Variants in FAM204A observed in about 807,000 individuals in gnomAD.
The protein encoded by FAM204A is family with sequence similarity 204 member A.
In FAM204A, 16 loss-of-function variants were observed where a neutral mutation model predicts 35.4. The observed-to-expected ratio is 0.45, with a 90% CI of 0.31 to 0.69. FAM204A has a LOEUF of 0.69. FAM204A is among the 30% of genes least tolerant of loss of function. The pLI, the probability that FAM204A is intolerant of heterozygous loss-of-function variation, is 0.07. For synonymous variants in FAM204A, 76 were observed against 86.9 expected, an observed-to-expected ratio of 0.88 and a Z score of 0.70; for missense variants, 240 against 265.7, an observed-to-expected ratio of 0.90 and a Z score of 0.67.
At chr10:118,333,200 G>C (rs964371088) in intron 6 of FAM204A, among the ~76,000 whole-genome samples, 1 of 152,174 alleles carries the variant, frequency 6.6e-6, no homozygotes, top group Non-Finnish European at 1.5e-5. Flanking sequence ...AAGACTGCAC[G>C]ATAGACACAT....
Position 118,326,173 on chromosome 10 carries a change from T to A in FAM204A, c.524A>T (p.Asn175Ile). Reference sequence around the variant, plus strand: ...ACTCACCTCTCGAGTAGCTAGCTGGTTGCTGAGTTCCTCAGCCTTCTCAAT... The same window carrying A: ...ACTCACCTCTCGAGTAGCTAGCTGGATGCTGAGTTCCTCAGCCTTCTCAAT... Reference protein sequence around the residue: ...WNIEKAEELSNQLATRELGVK... With the variant: ...WNIEKAEELSIQLATRELGVK... Residue 175 changes from asparagine (N) to isoleucine (I), a missense_variant, in exon 7 of 9, where the codon AAC becomes ATC. By Grantham distance (149) the Asn-to-Ile change is moderately radical. Around this residue, in one of 2 missense-constraint regions of FAM204A, gnomAD observed 232 missense variants for 242.8 expected, o/e 0.96. Coordinates refer to ENST00000369183, the MANE Select transcript of FAM204A (RefSeq NM_022063.3). 4 of 1,613,936 alleles carry A rather than the reference T, an allele frequency of 2.5e-6. No individual in the cohort carries two copies. Among genetic ancestry groups the A allele is most frequent in the Non-Finnish European group, 3.4e-6 (4 of 1,179,824 alleles).
At chr10:118,331,027 GCTC>G (rs1846280993) in intron 6 of FAM204A, among the ~76,000 whole-genome samples, 1 of 152,150 alleles carries the variant, frequency 6.6e-6, no homozygotes, top group African/African-American at 2.4e-5. Context: ...ATAATAAGGT[GCTC>G]CTATTATTAA....
chr10:118,313,379 C>T (rs1413946340), intron 7 of FAM204A, among the ~76,000 whole-genome samples: 3 of 152,076 alleles, frequency 2.0e-5, no homozygotes, highest in Non-Finnish European at 2.9e-5. Flanking sequence ...AATGGCTCTT[C>T]GATGCTTTAG....
In FAM204A at chr10:118,302,865, G is replaced by C. The variant is rs1169890997; in HGVS notation, c.*7992C>G. The C allele has an allele frequency of 6.6e-6, 1 of 152,230 alleles. No homozygotes were observed. Among genetic ancestry groups the C allele is most frequent in the Non-Finnish European group, 1.5e-5 (1 of 68,054 alleles). The allele number at this position is 152,230 out of a possible 1,614,324, so 9.4% of individuals were successfully genotyped here. On this transcript the variant is annotated 3_prime_UTR_variant, in exon 9 of 9. Coordinates refer to ENST00000369183, the MANE Select transcript of FAM204A (RefSeq NM_022063.3). ...CTCTTTCCCATCCCAGACTCCCCGT[G>C]TAAGAAGCGGGTGCTGCTCCAAGAC...
intron 7 of FAM204A, among the ~76,000 whole-genome samples, chr10:118,321,536 T>A (rs1323545483): frequency 6.6e-6 from 1 of 151,990 alleles, no homozygotes; most frequent in East Asian, 1.9e-4. Flanking sequence ...AAAAAAACAT[T>A]GTATTTGTAT....
chr10:118,322,127 C>A (rs2133276574), intron 7 of FAM204A, among the ~76,000 whole-genome samples: 1 of 152,078 alleles, frequency 6.6e-6, no homozygotes, highest in East Asian at 1.9e-4. Flanking sequence ...TTGGCAGTCA[C>A]CATAATAAAA....
chr10:118,323,821 A>G (rs1226141997), intron 7 of FAM204A, among the ~76,000 whole-genome samples: 4 of 152,162 alleles, frequency 2.6e-5, no homozygotes, highest in African/African-American at 4.8e-5. Flanking sequence ...TATACTTCCA[A>G]GCTGGATAAG....
chr10:118,301,551 A>G lies in FAM204A; in HGVS notation c.*9306T>C, dbSNP rs1047812191. On this transcript the variant is annotated 3_prime_UTR_variant, in exon 9 of 9. Coordinates refer to ENST00000369183, the MANE Select transcript of FAM204A (RefSeq NM_022063.3). ...TGCTCTAGAGTGAGACACTATCTCA[A>G]TCTTCCAAGGATGTTATATACAAAC... The G allele has an allele frequency of 6.6e-6, 1 of 152,180 alleles. No individual in the cohort carries two copies. Among genetic ancestry groups the G allele is most frequent in the African/African-American group, 2.4e-5 (1 of 41,436 alleles). The allele number at this position is 152,180 out of a possible 1,614,324, so 9.4% of individuals were successfully genotyped here.
rs1329690705 is a variant in FAM204A at position 118,304,871 on chromosome 10, C to T, written c.*5986G>A. On this transcript the variant is annotated 3_prime_UTR_variant, in exon 9 of 9. Transcript: ENST00000369183. ...ACATCAGCAAAATGTAAAGTTACTA[C>T]ATCGTATGTGATTGAGGCAATGTGG... 6.6e-6 allele frequency: 1 copy of T among 152,236 alleles called. No individual in the cohort carries two copies. The highest frequency in any genetic ancestry group is 2.4e-5 in the African/African-American group (1 of 41,456). 9.4% of individuals were successfully genotyped at this position (152,236 alleles called of 1,614,324 possible). A position where few individuals can be genotyped will look rare whatever the true frequency, so the allele number is the denominator to read the frequency against.
chr10:118,336,099 T>G, intron 3 of FAM204A, 83 bp downstream of exon 3: 1 of 1,490,848 alleles, frequency 6.7e-7, no homozygotes, highest in Non-Finnish European at 9.1e-7. Flanking sequence ...CAAGAATACA[T>G]GCACATTCTG....
intron 6 of FAM204A, among the ~76,000 whole-genome samples, chr10:118,333,792 T>C (rs1330302179): frequency 6.6e-6 from 1 of 152,194 alleles, no homozygotes; most frequent in Non-Finnish European, 1.5e-5. Flanking sequence ...ATAAATTACA[T>C]GCAAAATTCT....
intron 6 of FAM204A, among the ~76,000 whole-genome samples, chr10:118,332,489 A>G (rs1487036813): frequency 6.9e-6 from 1 of 145,832 alleles, no homozygotes; most frequent in Non-Finnish European, 1.5e-5. Flanking sequence ...CCTCTCCTAT[A>G]CCTCCTCCCT....
At chr10:118,314,102 T>C (rs1430461788) in intron 7 of FAM204A, among the ~76,000 whole-genome samples, 1 of 152,250 alleles carries the variant, frequency 6.6e-6, no homozygotes, top group Non-Finnish European at 1.5e-5. Flanking sequence ...CAGTATATGC[T>C]TGTTAAAAAT....
At chr10:118,327,051 T>C (rs963790119) in intron 6 of FAM204A, among the ~76,000 whole-genome samples, 3 of 152,172 alleles carry the variant, frequency 2.0e-5, no homozygotes, top group African/African-American at 4.8e-5. Flanking sequence ...TTTGTGAAAA[T>C]AGTTGCTACA....
intron 7 of FAM204A, among the ~76,000 whole-genome samples, chr10:118,318,419 T>C (rs1846062822): frequency 6.6e-6 from 1 of 151,964 alleles, no homozygotes; most frequent in Admixed American, 6.6e-5. Flanking sequence ...AAAAATAAAA[T>C]ATTCAAATGG....
intron 6 of FAM204A, among the ~76,000 whole-genome samples, chr10:118,334,349 C>T (rs1589729807): frequency 6.6e-6 from 1 of 152,290 alleles, no homozygotes; most frequent in East Asian, 1.9e-4. Flanking sequence ...CCCTCCCTAT[C>T]ACCTCGCAAG....
rs1483936059 is a variant in FAM204A at position 118,310,316 on chromosome 10, A to C, written c.*541T>G. The C allele has an allele frequency of 6.6e-6, 1 of 151,574 alleles. No individual in the cohort carries two copies. The highest frequency in any genetic ancestry group is 2.4e-5 in the African/African-American group (1 of 41,112). 9.4% of individuals were successfully genotyped at this position (151,574 alleles called of 1,614,324 possible). A position where few individuals can be genotyped will look rare whatever the true frequency, so the allele number is the denominator to read the frequency against. On this transcript the variant is annotated 3_prime_UTR_variant, in exon 9 of 9. Transcript: ENST00000369183. Reference sequence around the variant, plus strand: ...CAGCAAAACTCTGTCTCTACTAAAAATACAAAAAAAAAAAAAAAATTAGCC... The same window carrying C: ...CAGCAAAACTCTGTCTCTACTAAAACTACAAAAAAAAAAAAAAAATTAGCC...
rs557461907 is a variant in FAM204A, at chr10:118,322,778, C to G, written c.543+3376G>C. ...CCAAATTTCTCAACTTTTTGAAAGTCTGAAATAATTGCAAAATATAAAGGG... is the reference window on the plus strand; with the variant it reads ...CCAAATTTCTCAACTTTTTGAAAGTGTGAAATAATTGCAAAATATAAAGGG... On this transcript the variant is annotated intron_variant, in intron 7 of 8. Coordinates refer to ENST00000369183, the MANE Select transcript of FAM204A (RefSeq NM_022063.3). Among the ~76,000 whole-genome samples the G allele has an allele frequency of 2.6e-5, 4 of 152,008 alleles. No homozygotes were observed. In the East Asian group the frequency reaches 7.7e-4, roughly 29 times the overall value.
rs927965057 is a variant in FAM204A at position 118,336,277 on chromosome 10, T to C, written c.139A>G (p.Ile47Val). 5.0e-6 allele frequency: 8 copies of C among 1,613,946 alleles called. No individual in the cohort carries two copies. Among genetic ancestry groups the C allele is most frequent in the South Asian group, 1.1e-5 (1 of 91,080 alleles). ...TTTGGTTCATCTGTTGAGAAATCTA[T>C]GATTTCTGTTTTTCTGATGCTCTCA... Reference protein sequence around the residue: ...EDESIRKTEIIDFSTDEPKTE... With the variant: ...EDESIRKTEIVDFSTDEPKTE... Residue 47 changes from isoleucine (I) to valine (V), a missense_variant, in exon 3 of 9, where the codon ATA becomes GTA. Transcript: ENST00000369183.
Sources: allele counts gnomAD v4.1 joint callset (sites outside exome capture counted in the v4.1 genomes callset), GRCh38; gene constraint gnomAD v4.1.1; regional missense constraint gnomAD v4.1.1; transcripts MANE v1.5; gene names NCBI Gene and HGNC (gene_info 2026-07-23, HGNC 2026-07-21).